HDAC11: variants seen among roughly 807,000 people sequenced by gnomAD.
HDAC11 encodes the protein histone deacetylase 11.
A neutral mutation model predicts 41.1 loss-of-function variants in HDAC11; 23 were observed. The observed-to-expected ratio is 0.56, with a 90% confidence interval of 0.40 to 0.79. The LOEUF is 0.79. Among genes scored for constraint, HDAC11 ranks in the 30% least tolerant of loss-of-function variants. The pLI is 0.00. For missense variants in HDAC11, 402 were observed against 477.3 expected (o/e 0.84, Z 1.47); for synonymous variants, 187 against 186.6 (o/e 1.00, Z -0.02).
At chr3:13,500,609 G>T in intron 5 of HDAC11, 104 bp from the exon 6 acceptor site, 1 of 927,562 alleles carries the variant, frequency 1.1e-6, no homozygotes, top group South Asian at 1.4e-5. Context: ...AGGTTCCTGA[G>T]AGCTGAGCAG....
In HDAC11 at chr3:13,488,932, T is replaced by C. The variant is rs542556182; in HGVS notation, c.252+5368T>C. ...TGTTATTTTCTGGTGTTTTTTTTTT[T>C]CCCCCCCAGTGTGGCCATCTTACTG... On this transcript the variant is annotated intron_variant, in intron 3 of 9. Coordinates refer to ENST00000295757, the MANE Select transcript of HDAC11 (RefSeq NM_024827.4). 1.7e-3 allele frequency among the ~76,000 whole-genome samples: 253 copies of C among 150,530 alleles called. 5 individuals carry two copies. The East Asian group carries it at 0.022, about 13-fold the overall frequency.
Position 13,505,942 on chromosome 3 carries a change from T to A in HDAC11, c.*1259T>A, listed in dbSNP as rs1415245824. 1 of 152,126 alleles carries A rather than the reference T, an allele frequency of 6.6e-6. No homozygotes were observed. The highest frequency in any genetic ancestry group is 1.5e-5 in the Non-Finnish European group (1 of 68,042). 9.4% of individuals were successfully genotyped at this position (152,126 alleles called of 1,614,324 possible). A position where few individuals can be genotyped will look rare whatever the true frequency, so the allele number is the denominator to read the frequency against. Reference sequence around the variant, plus strand: ...TCAGGGGCTGGGGAGGGAAAGTGGGTCCATTGAGGTGGCCCTGCTCCATCA... The same window carrying A: ...TCAGGGGCTGGGGAGGGAAAGTGGGACCATTGAGGTGGCCCTGCTCCATCA... On this transcript the variant is annotated 3_prime_UTR_variant, in exon 10 of 10. Transcript: ENST00000295757.
chr3:13,485,122 G>C (rs1174892513), intron 3 of HDAC11, among the ~76,000 whole-genome samples: 1 of 152,240 alleles, frequency 6.6e-6, no homozygotes, highest in African/African-American at 2.4e-5. Flanking sequence ...GCCGGGCCTT[G>C]GGGAGACCCC....
In HDAC11 at chr3:13,504,771, C is replaced by G. The variant is rs1181680806; in HGVS notation, c.*88C>G. The G allele has an allele frequency of 6.1e-5, 71 of 1,170,300 alleles. 1 individual carries two copies. In the East Asian group the frequency reaches 1.8e-3, roughly 29 times the overall value. 72.5% of individuals were successfully genotyped at this position (1,170,300 alleles called of 1,614,324 possible). ...AACCTCATGGGGTGGTGGAGGCAGC[C>G]TTCAGTGAGCATGGAGGGGCAGGGC... On this transcript the variant is annotated 3_prime_UTR_variant, in exon 10 of 10. Transcript: ENST00000295757.
At chr3:13,501,406 T>G (rs1169229449) in intron 6 of HDAC11, among the ~76,000 whole-genome samples, 4 of 151,996 alleles carry the variant, frequency 2.6e-5, no homozygotes, top group Non-Finnish European at 4.4e-5. Flanking sequence ...AGCAGGCCAT[T>G]AGGAGAAGGG....
chr3:13,493,243 G>T (rs1297520592), intron 3 of HDAC11, among the ~76,000 whole-genome samples: 1 of 152,152 alleles, frequency 6.6e-6, no homozygotes, highest in African/African-American at 2.4e-5. Context: ...ATGTCACCTG[G>T]TGGTGCCCTG....
rs1702622194 is a variant in HDAC11, at chr3:13,506,272, G to C, written c.*1589G>C. 1 of 152,246 alleles carries C rather than the reference G, an allele frequency of 6.6e-6. No individual in the cohort carries two copies. Among genetic ancestry groups the C allele is most frequent in the Admixed American group, 6.5e-5 (1 of 15,286 alleles). 9.4% of individuals were successfully genotyped at this position (152,246 alleles called of 1,614,324 possible). A position where few individuals can be genotyped will look rare whatever the true frequency, so the allele number is the denominator to read the frequency against. On this transcript the variant is annotated 3_prime_UTR_variant, in exon 10 of 10. Coordinates refer to ENST00000295757, the MANE Select transcript of HDAC11 (RefSeq NM_024827.4). ...GAGCTTCTGTTCCTAGAGAATCCTA[G>C]AGGCTTGATTGGCCCAGGCTGCTGT...
chr3:13,480,434 G>C lies in HDAC11; in HGVS notation c.2+85G>C. The C allele has an allele frequency of 1.1e-6, 1 of 885,678 alleles. No individual in the cohort carries two copies. Among genetic ancestry groups the C allele is most frequent in the Non-Finnish European group, 1.5e-6 (1 of 684,450 alleles). 54.9% of individuals were successfully genotyped at this position (885,678 alleles called of 1,614,324 possible). On this transcript the variant is annotated intron_variant, in intron 1 of 9. Transcript: ENST00000295757. The surrounding 1 kb of genome is among the most constrained non-coding windows in gnomAD (Gnocchi z 4.6). ...CTAGGGCGAGGGCGGGGACGGCCGGGCGGGCGCGCCAGGTAAGGGCCCAGA... is the reference window on the plus strand; with the variant it reads ...CTAGGGCGAGGGCGGGGACGGCCGGCCGGGCGCGCCAGGTAAGGGCCCAGA...
rs1005296872 is a variant in HDAC11, at chr3:13,480,763, C to T, written c.2+414C>T. ...GGGGTCAGGGGATCCCCGCCCCCCG[C>T]CCTGGCTCAGGTTGGGTCCCGACTT... On this transcript the variant is annotated intron_variant, in intron 1 of 9. Coordinates refer to ENST00000295757, the MANE Select transcript of HDAC11 (RefSeq NM_024827.4). This position sits in a 1 kb window ranked among gnomAD's most constrained non-coding sequence, Gnocchi z 4.6. The T allele has an allele frequency of 1.5e-5, 7 of 469,378 alleles. No individual in the cohort carries two copies. Among genetic ancestry groups the T allele is most frequent in the Admixed American group, 1.2e-4 (5 of 40,802 alleles). The allele number at this position is 469,378 out of a possible 1,614,324, so 29.1% of individuals were successfully genotyped here. A position where few individuals can be genotyped will look rare whatever the true frequency, so the allele number is the denominator to read the frequency against.
intron 3 of HDAC11, among the ~76,000 whole-genome samples, chr3:13,489,074 T>G (rs1701729275): frequency 1.3e-5 from 2 of 152,220 alleles, no homozygotes; most frequent in South Asian, 4.1e-4. Flanking sequence ...AAATGTTTAT[T>G]CAAGTCCTTT....
intron 3 of HDAC11, among the ~76,000 whole-genome samples, chr3:13,490,424 C>T (rs1451222689): frequency 6.6e-6 from 1 of 152,096 alleles, no homozygotes; most frequent in African/African-American, 2.4e-5. Context: ...GAGTAAATTG[C>T]TTTGGGGAGT....
intron 3 of HDAC11, 54 bp from the exon 4 acceptor site, chr3:13,496,682 G>A (rs1473161624): frequency 8.4e-7 from 1 of 1,185,742 alleles, no homozygotes; most frequent in Non-Finnish European, 1.2e-6. Flanking sequence ...AATTTCTCAC[G>A]GGTTGCCTCA....
At chr3:13,481,140 A>T in intron 1 of HDAC11, 106 bp from the exon 2 acceptor site, 1 of 1,194,150 alleles carries the variant, frequency 8.4e-7, no homozygotes. Context: ...CTGAGGGGCT[A>T]GTGGTGCTGG....
intron 3 of HDAC11, among the ~76,000 whole-genome samples, chr3:13,491,934 C>T (rs909632490): frequency 6.6e-6 from 1 of 152,244 alleles, no homozygotes; most frequent in Non-Finnish European, 1.5e-5. Flanking sequence ...ATGGCTGGGC[C>T]CCTCCCAGAG....
intron 3 of HDAC11, among the ~76,000 whole-genome samples, chr3:13,494,507 A>G (rs995745621): frequency 2.0e-5 from 3 of 152,184 alleles, no homozygotes; most frequent in African/African-American, 7.2e-5. Context: ...ACACATACAT[A>G]CACTCATGGG....
intron 5 of HDAC11, among the ~76,000 whole-genome samples, chr3:13,500,333 C>T (rs906844556): frequency 1.3e-5 from 2 of 152,156 alleles, no homozygotes; most frequent in Non-Finnish European, 2.9e-5. Flanking sequence ...CCTTCCTGAC[C>T]ACCCGCTTTG....
intron 4 of HDAC11, among the ~76,000 whole-genome samples, chr3:13,497,350 T>C (rs1280489149): frequency 6.6e-6 from 1 of 152,086 alleles, no homozygotes; most frequent in Non-Finnish European, 1.5e-5. Flanking sequence ...GGCTAATTTT[T>C]GTATTTTTAG....
Position 13,502,660 on chromosome 3 carries a change from C to A in HDAC11, c.553-224C>A. ...CGGGATTTCTTCCTCTGATAGGGAACCTAAGAGCACTGGGCTTGCTCAAGC... is the reference window on the plus strand; with the variant it reads ...CGGGATTTCTTCCTCTGATAGGGAAACTAAGAGCACTGGGCTTGCTCAAGC... On this transcript the variant is annotated intron_variant, in intron 7 of 9. Coordinates refer to ENST00000295757, the MANE Select transcript of HDAC11 (RefSeq NM_024827.4). The surrounding 1 kb of genome is among the most constrained non-coding windows in gnomAD (Gnocchi z 4.1). The A allele has an allele frequency of 2.1e-6, 1 of 479,940 alleles. No homozygotes were observed. The highest frequency in any genetic ancestry group is 3.8e-6 in the Non-Finnish European group (1 of 264,404). The allele number at this position is 479,940 out of a possible 1,614,324, so 29.7% of individuals were successfully genotyped here.
chr3:13,500,466 A>C (rs983048960), intron 5 of HDAC11, among the ~76,000 whole-genome samples: 7 of 152,286 alleles, frequency 4.6e-5, no homozygotes, highest in Admixed American at 4.6e-4. Flanking sequence ...ATGATGAGCT[A>C]TCTGTTGCTT....
Sources: gnomAD v4.1 joint callset for allele counts (sites outside exome capture counted in the v4.1 genomes callset) on GRCh38, gnomAD v4.1.1 for gene constraint, Gnocchi (gnomAD v3.1) non-coding constraint, MANE v1.5 for transcripts, NCBI Gene and HGNC (gene_info 2026-07-23, HGNC 2026-07-21) for gene names.